Variants in IGDCC3 observed in about 807,000 individuals in gnomAD.
IGDCC3 encodes immunoglobulin superfamily DCC subclass member 3.
In IGDCC3, 47 loss-of-function variants were observed where a neutral mutation model predicts 72.0. The observed-to-expected ratio is 0.65, with a 90% CI of 0.52 to 0.83. IGDCC3 has a LOEUF of 0.83. Among genes scored for constraint, IGDCC3 ranks in the 40% least tolerant of loss-of-function variants. The probability of loss-of-function intolerance (pLI) is 0.00; values close to 1 mark genes in which losing one functional copy is unlikely to be tolerated. For missense variants in IGDCC3, 1,038 were observed against 1,091.3 expected, an observed-to-expected ratio of 0.95 and a Z score of 0.69; for synonymous variants, 477 against 472.8, an observed-to-expected ratio of 1.01 and a Z score of -0.11.
chr15:65,331,852 A>G (rs1004748557), intron 7 of IGDCC3, 89 bp downstream of exon 7: 6 of 1,465,088 alleles, frequency 4.1e-6, no homozygotes, highest in Non-Finnish European at 5.5e-6. Context: ...CCCTGGCAGG[A>G]GGTGTACAGC....
chr15:65,362,658 C>T (rs114820365), intron 2 of IGDCC3, among the ~76,000 whole-genome samples: 1,857 of 152,186 alleles, frequency 0.012, 48 homozygotes, highest in African/African-American at 0.041. Context: ...GGCCGTGCCC[C>T]CTCCCATTTT....
rs2091085058 is a variant in IGDCC3, at chr15:65,341,947, G to T, written c.410-5991C>A. ...TGCCACCACGCTTGGATAATTTTTT[G>T]TATTTTTAGTAGAGACGGAGTTTTG... On this transcript the variant is annotated intron_variant, in intron 2 of 13. Coordinates refer to ENST00000327987, the MANE Select transcript of IGDCC3 (RefSeq NM_004884.4). 2.6e-5 allele frequency among the ~76,000 whole-genome samples: 4 copies of T among 152,052 alleles called. No homozygotes were observed. The South Asian group carries it at 8.3e-4, about 32-fold the overall frequency.
rs1482235064 is a variant in IGDCC3 at position 65,329,107 on chromosome 15, G to T, written c.2247C>A (p.Leu749=). ...CGCACCCCTGAAGTGGCAGCACGGA[G>T]AGCTGGGTCTCCTCACACGGAGCGG... ...AAPAPCEETQ[L]SVLPLQGCGL... is the part of the protein sequence containing the mutation. Residue 749 remains leucine, a synonymous_variant, in exon 14 of 14, where the codon CTC becomes CTA. Transcript: ENST00000327987. This position sits in a 1 kb window ranked among gnomAD's most constrained non-coding sequence, Gnocchi z 4.1. 2.5e-6 allele frequency: 4 copies of T among 1,610,474 alleles called. No individual in the cohort carries two copies. The highest frequency in any genetic ancestry group is 3.4e-6 in the Non-Finnish European group (4 of 1,178,922).
chr15:65,332,680 G>C (rs1041696358), intron 6 of IGDCC3, among the ~76,000 whole-genome samples: 1 of 152,212 alleles, frequency 6.6e-6, no homozygotes, highest in Non-Finnish European at 1.5e-5. Context: ...CCGGTCTCCG[G>C]TAGGGAACAA....
chr15:65,351,624 A>G (rs2091174607), intron 2 of IGDCC3, among the ~76,000 whole-genome samples: 1 of 152,316 alleles, frequency 6.6e-6, no homozygotes, highest in South Asian at 2.1e-4. Flanking sequence ...TGGGTTTAAC[A>G]TTTATAGTAC....
intron 2 of IGDCC3, among the ~76,000 whole-genome samples, chr15:65,361,794 C>T (rs983091498): frequency 1.3e-5 from 2 of 152,212 alleles, no homozygotes; most frequent in African/African-American, 4.8e-5. Context: ...CACAGGATCC[C>T]ACCGCCGTGC....
In IGDCC3 at chr15:65,361,578, T is replaced by C. The variant is rs530144718; in HGVS notation, c.409+13519A>G. 1.1e-4 allele frequency among the ~76,000 whole-genome samples: 16 copies of C among 151,000 alleles called. No homozygotes were observed. In the East Asian group the frequency reaches 3.1e-3, roughly 29 times the overall value. On this transcript the variant is annotated intron_variant, in intron 2 of 13. Coordinates refer to ENST00000327987, the MANE Select transcript of IGDCC3 (RefSeq NM_004884.4). ...CAGGCTCCCAGTTGATAGGGGCGAGTTCCCCAGTTTCCAGATGAAAATATC... is the reference window on the plus strand; with the variant it reads ...CAGGCTCCCAGTTGATAGGGGCGAGCTCCCCAGTTTCCAGATGAAAATATC...
rs1381404102 is a variant in IGDCC3, at chr15:65,339,092, T to C, written c.410-3136A>G. 6.6e-6 allele frequency among the ~76,000 whole-genome samples: 1 copy of C among 152,002 alleles called. No homozygotes were observed. The highest frequency in any genetic ancestry group is 1.5e-5 in the Non-Finnish European group (1 of 67,998). The stretch of plus-strand genomic sequence containing the variant: ...TAATTTTTTAATTTCTTTTTTCTTT[T>C]TCTTTTTGAGACGGAATCTTGCTCT... On this transcript the variant is annotated intron_variant, in intron 2 of 13. Coordinates refer to ENST00000327987, the MANE Select transcript of IGDCC3 (RefSeq NM_004884.4). The surrounding 1 kb of genome is among the most constrained non-coding windows in gnomAD (Gnocchi z 4.1).
Position 65,328,762 on chromosome 15 carries a change from TG to T in IGDCC3, c.*146del. ...CGGGGGGTCCCTGTCAAGGCTGCCT[TG>T]GGTTTTGACAACCCAAGAGGCAGTC... On this transcript the variant is annotated 3_prime_UTR_variant, in exon 14 of 14. Coordinates refer to ENST00000327987, the MANE Select transcript of IGDCC3 (RefSeq NM_004884.4). The T allele has an allele frequency of 9.6e-7, 1 of 1,041,386 alleles. No individual in the cohort carries two copies. The highest frequency in any genetic ancestry group is 1.3e-6 in the Non-Finnish European group (1 of 763,094). The allele number at this position is 1,041,386 out of a possible 1,614,324, so 64.5% of individuals were successfully genotyped here. A position where few individuals can be genotyped will look rare whatever the true frequency, so the allele number is the denominator to read the frequency against.
Position 65,329,547 on chromosome 15 carries a change from G to T in IGDCC3, c.2048C>A (p.Pro683His), listed in dbSNP as rs548976921. Residue 683 changes from proline (P) to histidine (H), a missense_variant, in exon 13 of 14, where the codon CCC becomes CAC. Pro to His is a moderately conservative substitution (Grantham distance 77). Coordinates refer to ENST00000327987, the MANE Select transcript of IGDCC3 (RefSeq NM_004884.4). The surrounding 1 kb of genome is among the most constrained non-coding windows in gnomAD (Gnocchi z 4.1). ...VENQLSPPQG[P>H]RSQRDPGILA... ...AATGCCAGGGTCCCTCTGGCTCCGG[G>T]GACCCTGTGGAGGGGACAGCTGGTT... 1 of 1,609,952 alleles carries T rather than the reference G, an allele frequency of 6.2e-7. No individual in the cohort carries two copies. Among genetic ancestry groups the T allele is most frequent in the East Asian group, 2.2e-5 (1 of 44,860 alleles).
chr15:65,336,430 G>T (rs879919747), intron 2 of IGDCC3, among the ~76,000 whole-genome samples: 9 of 152,084 alleles, frequency 5.9e-5, no homozygotes, highest in Non-Finnish European at 1.2e-4. Flanking sequence ...GGAAGCTGAG[G>T]CTCAGAGAAG....
At chr15:65,358,104 A>T (rs1050462472) in intron 2 of IGDCC3, among the ~76,000 whole-genome samples, 179 of 139,886 alleles carry the variant, frequency 1.3e-3, no homozygotes, top group African/African-American at 4.6e-3. Context: ...TCCAAGACAT[A>T]TTTTTTTTTT....
rs1434200250 is a variant in IGDCC3, at chr15:65,331,038, C to A, written c.1561+12G>T. 6.2e-7 allele frequency: 1 copy of A among 1,612,288 alleles called. No homozygotes were observed. The highest frequency in any genetic ancestry group is 1.3e-5 in the African/African-American group (1 of 74,936). ...AGTGCCTGTGGTTTTGTGCTCCACA[C>A]CCAGGCCTCACCTTCACCCAGGGTG... On this transcript the variant is annotated intron_variant, in intron 9 of 13. Coordinates refer to ENST00000327987, the MANE Select transcript of IGDCC3 (RefSeq NM_004884.4).
At chr15:65,353,541 T>C (rs1047164337) in intron 2 of IGDCC3, among the ~76,000 whole-genome samples, 2 of 152,084 alleles carry the variant, frequency 1.3e-5, no homozygotes, top group African/African-American at 4.8e-5. Flanking sequence ...TGAGCCACCG[T>C]GCCCGGCCTC....
rs777356512 is a variant in IGDCC3 at position 65,333,288 on chromosome 15, C to T, written c.951G>A (p.Arg317=). ...CAANRPGTRV[R]RTAQGRLVVQ... is the part of the protein sequence containing the mutation. ...CCACCAGCCGGCCCTGTGCCGTTCT[C>T]CTCACCCGGGTGCCAGGTCTGTTGG... The change falls in exon 6 of 14, where the codon AGG becomes AGA. Residue 317 remains arginine, a synonymous_variant. Transcript: ENST00000327987. The T allele has an allele frequency of 7.4e-6, 12 of 1,612,400 alleles. No homozygotes were observed. The highest frequency in any genetic ancestry group is 8.5e-7 in the Non-Finnish European group (1 of 1,179,472).
chr15:65,337,528 T>C (rs1595752708), intron 2 of IGDCC3, among the ~76,000 whole-genome samples: 1 of 152,230 alleles, frequency 6.6e-6, no homozygotes, highest in South Asian at 2.1e-4. Flanking sequence ...TGGGGGCAAG[T>C]GTCCCAGCTG....
chr15:65,355,476 C>T (rs1363209025), intron 2 of IGDCC3, among the ~76,000 whole-genome samples: 2 of 151,124 alleles, frequency 1.3e-5, no homozygotes, highest in Non-Finnish European at 3.0e-5. Flanking sequence ...CCAGGCTCCC[C>T]GGCCCAGGGC....
At chr15:65,357,501 C>T (rs564459623) in intron 2 of IGDCC3, among the ~76,000 whole-genome samples, 2 of 152,158 alleles carry the variant, frequency 1.3e-5, no homozygotes, top group Admixed American at 6.5e-5. Context: ...CAAACCCTTG[C>T]ATAGAAGTAT....
intron 10 of IGDCC3, 74 bp downstream of exon 10, chr15:65,330,476 C>T: frequency 1.3e-6 from 2 of 1,568,284 alleles, no homozygotes; most frequent in Middle Eastern, 1.8e-4. Context: ...GGAGGTGACC[C>T]CTGTACGCCA....
Sources: allele counts gnomAD v4.1 joint callset (sites outside exome capture counted in the v4.1 genomes callset), GRCh38; gene constraint gnomAD v4.1.1; non-coding constraint Gnocchi (gnomAD v3.1); transcripts MANE v1.5; gene names NCBI Gene and HGNC (gene_info 2026-07-23, HGNC 2026-07-21).